SYCP1: variants seen among roughly 807,000 people sequenced by gnomAD.
SYCP1 encodes synaptonemal complex protein 1, also known as cancer/testis antigen 8.
A neutral mutation model predicts 153.1 loss-of-function variants in SYCP1; 64 were observed. The observed-to-expected ratio is 0.42, with a 90% CI of 0.34 to 0.51. The LOEUF (loss-of-function observed/expected upper bound fraction) is 0.51. SYCP1 is among the 20% of genes least tolerant of loss of function. The pLI is 0.06. For missense variants in SYCP1, 997 were observed against 1,049.0 expected, an observed-to-expected ratio of 0.95 and a Z score of 0.68; for synonymous variants, 384 against 341.8, an observed-to-expected ratio of 1.12 and a Z score of -1.36.
chr1:114,937,843 T>C (rs958885598), intron 23 of SYCP1, among the ~76,000 whole-genome samples: 13 of 152,062 alleles, frequency 8.5e-5, no homozygotes, highest in Non-Finnish European at 1.8e-4. Context: ...AAAACCACAA[T>C]GAGATACCAT....
chr1:114,939,095 G>A (rs1386239291), intron 23 of SYCP1, among the ~76,000 whole-genome samples: 1 of 152,106 alleles, frequency 6.6e-6, no homozygotes, highest in Non-Finnish European at 1.5e-5. Context: ...GTCTCAAAGA[G>A]ATATATGTTC....
intron 16 of SYCP1, among the ~76,000 whole-genome samples, chr1:114,902,425 G>A (rs1388809760): frequency 2.6e-5 from 4 of 152,280 alleles, no homozygotes; most frequent in African/African-American, 7.2e-5. Flanking sequence ...AGGGTGAGTA[G>A]GGCAGGGTTT....
chr1:114,932,102 A>G (rs1442604782), intron 23 of SYCP1, among the ~76,000 whole-genome samples: 1 of 152,204 alleles, frequency 6.6e-6, no homozygotes, highest in Non-Finnish European at 1.5e-5. Context: ...TGAACTCTGA[A>G]GTCTTCAGAA....
At chr1:114,944,616 T>C (rs1670575497) in intron 24 of SYCP1, among the ~76,000 whole-genome samples, 161 bp downstream of exon 24, 1 of 151,846 alleles carries the variant, frequency 6.6e-6, no homozygotes, top group African/African-American at 2.4e-5. Flanking sequence ...TTATAGAAAC[T>C]AAAAGTATCC....
At chr1:114,970,195 G>A (rs573631813) in intron 27 of SYCP1, among the ~76,000 whole-genome samples, 9 of 152,038 alleles carry the variant, frequency 5.9e-5, no homozygotes, top group East Asian at 1.9e-4. Context: ...TTACTTGTTC[G>A]GTTCTATTGT....
chr1:114,974,112 T>C (rs994199427), intron 27 of SYCP1, among the ~76,000 whole-genome samples: 5 of 151,920 alleles, frequency 3.3e-5, no homozygotes, highest in African/African-American at 1.2e-4. Context: ...TTATTAACCT[T>C]GATTGAATCT....
intron 12 of SYCP1, among the ~76,000 whole-genome samples, chr1:114,879,937 T>C (rs138259054): frequency 6.6e-6 from 1 of 152,340 alleles, no homozygotes; most frequent in African/African-American, 2.4e-5. Flanking sequence ...AAGTTTCCAT[T>C]TGATTACTTA....
At chr1:114,896,653 T>G (rs1034002873) in intron 16 of SYCP1, among the ~76,000 whole-genome samples, 1 of 152,244 alleles carries the variant, frequency 6.6e-6, no homozygotes, top group Non-Finnish European at 1.5e-5. Flanking sequence ...AGCCTTTGTG[T>G]TGTTTACCTT....
intron 20 of SYCP1, among the ~76,000 whole-genome samples, chr1:114,922,372 A>C (rs997582148): frequency 6.6e-6 from 1 of 152,114 alleles, no homozygotes; most frequent in African/African-American, 2.4e-5. Flanking sequence ...TAAAGAAAAG[A>C]GGTTAATTGG....
upstream of SYCP1, among the ~76,000 whole-genome samples, chr1:114,854,136 C>T (rs867780867): frequency 2.6e-5 from 4 of 151,626 alleles, no homozygotes; most frequent in Non-Finnish European, 4.4e-5. Context: ...TCCTTTCTCT[C>T]CTCTGTCTCC....
At chr1:114,855,385 C>T in intron 1 of SYCP1, 56 bp from the exon 2 acceptor site, 1 of 1,056,604 alleles carries the variant, frequency 9.5e-7, no homozygotes, top group Non-Finnish European at 1.4e-6. Context: ...ATAGTGTATT[C>T]ATGACACTCG....
At chr1:114,983,248 A>G (rs1257025220) in intron 29 of SYCP1, among the ~76,000 whole-genome samples, 2 of 151,976 alleles carry the variant, frequency 1.3e-5, no homozygotes, top group African/African-American at 4.8e-5. Context: ...ATTTCCAGGA[A>G]TATATCAAGG....
intron 23 of SYCP1, among the ~76,000 whole-genome samples, chr1:114,939,902 ATTTC>A (rs1247110313): frequency 1.3e-5 from 2 of 152,080 alleles, no homozygotes; most frequent in Admixed American, 6.6e-5. Flanking sequence ...TGGTTGTCCT[ATTTC>A]TTCAAGTTTG....
At chr1:114,932,015 GAA>G (rs971526651) in intron 23 of SYCP1, among the ~76,000 whole-genome samples, 1 of 151,586 alleles carries the variant, frequency 6.6e-6, no homozygotes, top group South Asian at 2.1e-4. Flanking sequence ...ATATGGGAAA[GAA>G]AAAAAACAAA....
At chr1:114,857,155 A>AAAAAAAAAAAAAAG in intron 3 of SYCP1, 77 bp from the exon 4 acceptor site, 1 of 982,844 alleles carries the variant, frequency 1.0e-6, no homozygotes, top group African/African-American at 1.6e-5. Context: ...AAAAAAAAAA[A>AAAAAAAAAAAAAAG]AAGAGAAAAA....
chr1:114,893,144 G>A (rs1321722468), intron 15 of SYCP1, among the ~76,000 whole-genome samples: 2 of 152,174 alleles, frequency 1.3e-5, no homozygotes, highest in Non-Finnish European at 2.9e-5. Flanking sequence ...TTGTGGAGGA[G>A]GTGAGTGGGC....
chr1:114,953,522 G>T (rs1671241237), intron 27 of SYCP1, among the ~76,000 whole-genome samples: 1 of 152,118 alleles, frequency 6.6e-6, no homozygotes, highest in South Asian at 2.1e-4. Flanking sequence ...TTTGCCTATG[G>T]ATCTCAGATT....
chr1:114,927,395 T>TA (rs147462235), intron 23 of SYCP1, among the ~76,000 whole-genome samples: 4,758 of 151,974 alleles, frequency 0.031, 123 homozygotes, highest in Non-Finnish European at 0.042. Context: ...AATCAGTCAA[T>TA]AAAAAATAAC....
At chr1:114,983,074 T>G (rs1386122823) in intron 29 of SYCP1, among the ~76,000 whole-genome samples, 1 of 152,020 alleles carries the variant, frequency 6.6e-6, no homozygotes, top group Non-Finnish European at 1.5e-5. Flanking sequence ...TATATGTGTA[T>G]AAGGGCATGC....
Sources: allele counts gnomAD v4.1 joint callset (sites outside exome capture counted in the v4.1 genomes callset), GRCh38; gene constraint gnomAD v4.1.1; transcripts MANE v1.5; gene names NCBI Gene and HGNC (gene_info 2026-07-23, HGNC 2026-07-21).